CALN1: variants seen among roughly 807,000 people sequenced by gnomAD.
CALN1 encodes calneuron 1.
A neutral mutation model predicts 30.6 loss-of-function variants in CALN1; 17 were observed. The observed-to-expected ratio is 0.56, with a 90% confidence interval of 0.38 to 0.83. The LOEUF is 0.83. Among genes scored for constraint, CALN1 ranks in the 40% least tolerant of loss-of-function variants. CALN1 has a pLI of 0.00. For synonymous variants in CALN1, 156 were observed against 131.4 expected (o/e 1.19, Z -1.28); for missense variants, 291 against 354.9 (o/e 0.82, Z 1.45).
At chr7:72,251,925 T>C (rs1311966923) in intron 3 of CALN1, among the ~76,000 whole-genome samples, 1 of 152,174 alleles carries the variant, frequency 6.6e-6, no homozygotes, top group Non-Finnish European at 1.5e-5. Context: ...CATCTCACAA[T>C]AGGAAGTTTA....
At chr7:72,074,473 T>C (rs1229796379) in intron 4 of CALN1, among the ~76,000 whole-genome samples, 1 of 152,130 alleles carries the variant, frequency 6.6e-6, no homozygotes, top group East Asian at 1.9e-4. Flanking sequence ...AGTGGTGCAA[T>C]CTTGGCTCAC....
chr7:71,859,528 T>C (rs1483012543), intron 5 of CALN1, among the ~76,000 whole-genome samples: 1 of 152,216 alleles, frequency 6.6e-6, no homozygotes, highest in East Asian at 1.9e-4. Flanking sequence ...ATCATGACCC[T>C]TGGCTATATG....
At position 72,052,543 on chromosome 7, in the gene CALN1, T is replaced by C. The variant is rs571929755; in HGVS notation, c.389-28774A>G. On this transcript the variant is annotated intron_variant, in intron 4 of 6. Coordinates refer to ENST00000395275, the MANE Select transcript of CALN1 (RefSeq NM_031468.4). ...CCGTGTCTCCTGCTCCTGGGTGGGA[T>C]GTACCCTAAAGAGAGGGGGCTTCCT... is the stretch of plus-strand genomic sequence containing the variant. 2.6e-5 allele frequency among the ~76,000 whole-genome samples: 4 copies of C among 152,242 alleles called. No homozygotes were observed. The South Asian group carries it at 8.3e-4, about 32-fold the overall frequency.
chr7:72,026,352 G>A (rs1335098926), intron 4 of CALN1, among the ~76,000 whole-genome samples: 3 of 152,078 alleles, frequency 2.0e-5, no homozygotes, highest in East Asian at 2.0e-4. Context: ...TTGGGAGGCC[G>A]AGGCAGGTGG....
chr7:72,320,317 G>A lies in CALN1; in HGVS notation c.120-41507C>T, dbSNP rs1296365175. Among the ~76,000 whole-genome samples the A allele has an allele frequency of 3.3e-5, 5 of 152,182 alleles. No homozygotes were observed. In the South Asian group the frequency reaches 1.0e-3, roughly 32 times the overall value. On this transcript the variant is annotated intron_variant, in intron 2 of 6. Transcript: ENST00000395275. The stretch of plus-strand genomic sequence containing the variant: ...TCCAGTACCATTCAGGCAAGGGTAA[G>A]TCCCAGGAAATCCAGTCCAGTGAGT...
Position 72,412,298 on chromosome 7 carries a change from A to C in CALN1, c.-314T>G, listed in dbSNP as rs1305999965. Reference sequence around the variant, plus strand: ...AAGCTTTATTAAGAAGCAGGAAAGAAAAAAACACAAACTCAAGCGGATAGC... The same window carrying C: ...AAGCTTTATTAAGAAGCAGGAAAGACAAAAACACAAACTCAAGCGGATAGC... On this transcript the variant is annotated 5_prime_UTR_variant, in exon 1 of 7. Transcript: ENST00000395275. 6.6e-6 allele frequency: 1 copy of C among 151,818 alleles called. No homozygotes were observed. Among genetic ancestry groups the C allele is most frequent in the African/African-American group, 2.4e-5 (1 of 41,118 alleles). The allele number at this position is 151,818 out of a possible 1,614,324, so 9.4% of individuals were successfully genotyped here.
chr7:72,197,641 A>G (rs377491618), intron 3 of CALN1, among the ~76,000 whole-genome samples: 84 of 152,222 alleles, frequency 5.5e-4, no homozygotes, highest in Middle Eastern at 3.4e-3. Context: ...ACCAGCCTAG[A>G]CAACAATGTG....
At chr7:72,095,909 G>A (rs4719209) in intron 4 of CALN1, among the ~76,000 whole-genome samples, 28,315 of 152,018 alleles carry the variant, frequency 0.19, 3,240 homozygotes, top group East Asian at 0.28. Context: ...TGGTGACGAC[G>A]CATGCCTGTA....
chr7:71,864,200 C>T (rs776646102), intron 5 of CALN1, among the ~76,000 whole-genome samples: 2 of 152,190 alleles, frequency 1.3e-5, no homozygotes, highest in Non-Finnish European at 2.9e-5. Context: ...TTCAATTACC[C>T]ACAGTCTTTT....
intron 4 of CALN1, among the ~76,000 whole-genome samples, chr7:72,027,754 CACACA>C (rs1801167041): frequency 1.5e-5 from 2 of 133,494 alleles, no homozygotes; most frequent in South Asian, 2.4e-4. Flanking sequence ...CACACACACA[CACACA>C]AAAACACATG....
At chr7:72,436,092 CACAG>C (rs1186425754) in intron 1 of CALN1, among the ~76,000 whole-genome samples, 3 of 152,204 alleles carry the variant, frequency 2.0e-5, no homozygotes, top group African/African-American at 7.2e-5. Flanking sequence ...GACGTAAAAG[CACAG>C]ACAGTGCTGT....
chr7:72,363,158 G>A (rs1306271023), intron 2 of CALN1, among the ~76,000 whole-genome samples: 6 of 152,204 alleles, frequency 3.9e-5, no homozygotes, highest in Non-Finnish European at 5.9e-5. Context: ...TATTTTTGCT[G>A]ATCCTCTCCC....
At chr7:72,289,695 A>C (rs1375897991) in intron 2 of CALN1, among the ~76,000 whole-genome samples, 1 of 152,180 alleles carries the variant, frequency 6.6e-6, no homozygotes, top group Non-Finnish European at 1.5e-5. Flanking sequence ...AATCACAAAT[A>C]ATAGTAAAAT....
At chr7:72,368,207 A>G (rs941227126) in intron 2 of CALN1, among the ~76,000 whole-genome samples, 4 of 150,778 alleles carry the variant, frequency 2.7e-5, no homozygotes, top group Admixed American at 6.7e-5. Context: ...ATGTGTGTGT[A>G]TATATATCTA....
At chr7:72,250,315 T>C (rs1795468035) in intron 3 of CALN1, among the ~76,000 whole-genome samples, 1 of 152,206 alleles carries the variant, frequency 6.6e-6, no homozygotes, top group Non-Finnish European at 1.5e-5. Flanking sequence ...TTGCTAGCTG[T>C]GTGACCTTGA....
intron 5 of CALN1, among the ~76,000 whole-genome samples, chr7:71,954,409 G>A (rs1457067717): frequency 6.6e-6 from 1 of 152,096 alleles, no homozygotes; most frequent in Non-Finnish European, 1.5e-5. Flanking sequence ...GCAGTGAGCT[G>A]AGATCGTGCC....
chr7:72,132,523 G>A (rs1470205527), intron 3 of CALN1, among the ~76,000 whole-genome samples: 1 of 152,046 alleles, frequency 6.6e-6, no homozygotes, highest in Admixed American at 6.5e-5. Flanking sequence ...CCAGTTAACT[G>A]ACATATAGGT....
intron 5 of CALN1, among the ~76,000 whole-genome samples, chr7:71,843,177 C>T (rs886657977): frequency 4.6e-5 from 7 of 152,186 alleles, no homozygotes; most frequent in African/African-American, 1.7e-4. Flanking sequence ...AGACACTTCT[C>T]CTTTCCCCTC....
At chr7:71,836,817 T>G (rs1309548868) in intron 5 of CALN1, among the ~76,000 whole-genome samples, 1 of 151,552 alleles carries the variant, frequency 6.6e-6, no homozygotes, top group African/African-American at 2.4e-5. Flanking sequence ...GGGGTTTCAC[T>G]ATGTTGGCCA....
Sources: allele counts gnomAD v4.1 joint callset (sites outside exome capture counted in the v4.1 genomes callset), GRCh38; gene constraint gnomAD v4.1.1; transcripts MANE v1.5; gene names NCBI Gene and HGNC (gene_info 2026-07-23, HGNC 2026-07-21).